Variants in SYNE1 observed in about 807,000 individuals in gnomAD.
SYNE1 encodes the protein nesprin-1.
SYNE1 carries 616 observed loss-of-function variants against 1,111.0 expected under a neutral mutation model. The observed-to-expected ratio is 0.55, with a 90% CI of 0.52 to 0.59. The LOEUF (loss-of-function observed/expected upper bound fraction) is 0.59. Among genes scored for constraint, SYNE1 ranks in the 20% least tolerant of loss-of-function variants. The probability of loss-of-function intolerance (pLI) is 0.00; values close to 1 mark genes in which losing one functional copy is unlikely to be tolerated. For missense variants in SYNE1, 10,006 were observed against 10,417.0 expected (o/e 0.96, Z 1.72); for synonymous variants, 3,855 against 3,825.8 (o/e 1.01, Z -0.28).
At chr6:152,446,493 C>T (rs2098593720) in intron 29 of SYNE1, among the ~76,000 whole-genome samples, 1 of 152,076 alleles carries the variant, frequency 6.6e-6, no homozygotes, top group Non-Finnish European at 1.5e-5. Context: ...ACTAGAGTCT[C>T]AAGCAGATTT....
intron 29 of SYNE1, among the ~76,000 whole-genome samples, chr6:152,445,850 A>G (rs922933972): frequency 2.0e-5 from 3 of 152,148 alleles, no homozygotes; most frequent in African/African-American, 7.2e-5. Flanking sequence ...ATCTGTAAAC[A>G]AAATGTGTTT....
Position 152,399,612 on chromosome 6 carries a change from T to G in SYNE1, c.7237+4A>C. The G allele has an allele frequency of 6.2e-6, 10 of 1,614,068 alleles. No homozygotes were observed. The highest frequency in any genetic ancestry group is 8.5e-6 in the Non-Finnish European group (10 of 1,179,968). ...TACTCATGCTAAGGCCCCTCAGAAC[T>G]CACCACTGAAGTGTTTTTCCAGAGA... is the stretch of plus-strand genomic sequence containing the variant. On this transcript the variant is annotated splice_donor_region_variant and intron_variant, in intron 48 of 145. Coordinates refer to ENST00000367255, the MANE Select transcript of SYNE1 (RefSeq NM_182961.4).
chr6:152,221,399 A>C (rs376494227), intron 118 of SYNE1, 27 bp downstream of exon 118: 18 of 1,611,974 alleles, frequency 1.1e-5, no homozygotes, highest in African/African-American at 2.7e-5. Flanking sequence ...TGATATAAAT[A>C]GTGTGTAAAG....
At chr6:152,367,501 G>A (rs548471470) in intron 61 of SYNE1, 119 bp from the exon 62 acceptor site, 14 of 1,123,856 alleles carry the variant, frequency 1.2e-5, no homozygotes, top group Non-Finnish European at 1.9e-5. Flanking sequence ...CAGATACGAG[G>A]CAAGTCTGGC....
intron 128 of SYNE1, among the ~76,000 whole-genome samples, chr6:152,184,868 C>A (rs746963625): frequency 1.3e-5 from 2 of 152,032 alleles, no homozygotes; most frequent in Non-Finnish European, 2.9e-5. Flanking sequence ...AGTATTTAGT[C>A]TATATACTAA....
intron 3 of SYNE1, among the ~76,000 whole-genome samples, chr6:152,598,914 TTGTC>T (rs1398266037): frequency 7.9e-5 from 12 of 152,216 alleles, no homozygotes; most frequent in Non-Finnish European, 7.3e-5. Flanking sequence ...CTGTTCATCT[TTGTC>T]ACAGAGAGAA....
Position 152,344,144 on chromosome 6 carries a change from T to A in SYNE1, c.12162A>T (p.Ala4054=), listed in dbSNP as rs1206765381. The change falls in exon 74 of 146, where the codon GCA becomes GCT. Residue 4054 remains alanine (A), a synonymous_variant. Coordinates refer to ENST00000367255, the MANE Select transcript of SYNE1 (RefSeq NM_182961.4). The part of the protein sequence containing the change: ...TLQQCQAWLS[A]VQPDLEPSPQ... ...GACTTGGCTCTAAATCCGGCTGGAC[T>A]GCAGAAAGCCAGGCCTGGCACTGCT... The A allele has an allele frequency of 6.2e-7, 1 of 1,614,238 alleles. No homozygotes were observed. The highest frequency in any genetic ancestry group is 8.5e-7 in the Non-Finnish European group (1 of 1,180,042).
At chr6:152,253,773 A>T (rs2089972814) in intron 104 of SYNE1, among the ~76,000 whole-genome samples, 2 of 132,938 alleles carry the variant, frequency 1.5e-5, no homozygotes, top group African/African-American at 2.7e-5. Flanking sequence ...CCTCGTGAAA[A>T]TTCCATGTTT....
chr6:152,621,475 T>A (rs1727047), intron 3 of SYNE1, among the ~76,000 whole-genome samples: 108,494 of 152,044 alleles, frequency 0.71, 38,777 homozygotes, highest in East Asian at 0.82. Flanking sequence ...TGCAATAAAG[T>A]GAATTTACAT....
intron 3 of SYNE1, among the ~76,000 whole-genome samples, chr6:152,549,454 C>T (rs535594387): frequency 1.1e-4 from 16 of 152,114 alleles, no homozygotes; most frequent in South Asian, 6.2e-4. Context: ...TGTGGGGGGG[C>T]GGTGGGAGTG....
chr6:152,154,821 T>C, intron 133 of SYNE1, 71 bp downstream of exon 133: 4 of 1,569,916 alleles, frequency 2.5e-6, no homozygotes, highest in Non-Finnish European at 3.5e-6. Flanking sequence ...AGTTTAGGTC[T>C]TGGAACTCCA....
chr6:152,391,740 T>C (rs2097644215), intron 51 of SYNE1, among the ~76,000 whole-genome samples, 172 bp from the exon 52 acceptor site: 1 of 152,188 alleles, frequency 6.6e-6, no homozygotes. Context: ...CATTCTCTTA[T>C]GATCTCTCCT....
intron 101 of SYNE1, among the ~76,000 whole-genome samples, chr6:152,257,049 C>T (rs530657946): frequency 6.6e-6 from 1 of 151,968 alleles, no homozygotes; most frequent in Non-Finnish European, 1.5e-5. Context: ...AGGTCAAACA[C>T]AGTTAACTAT....
At chr6:152,605,025 AGAGAGAGAGAGGGAGG>A (rs1449777410) in intron 3 of SYNE1, among the ~76,000 whole-genome samples, 109 of 67,428 alleles carry the variant, frequency 1.6e-3, no homozygotes, top group Non-Finnish European at 2.4e-3. Flanking sequence ...AGAGAGAGAG[AGAGAGAGAGAGGGAGG>A]GAGGGAGGGA....
At chr6:152,175,521 C>T (rs1176699864) in intron 130 of SYNE1, among the ~76,000 whole-genome samples, 1 of 152,146 alleles carries the variant, frequency 6.6e-6, no homozygotes, top group Non-Finnish European at 1.5e-5. Context: ...CTCCTAATTG[C>T]CATGAAGAAC....
intron 140 of SYNE1, among the ~76,000 whole-genome samples, chr6:152,137,268 G>A (rs1031169068): frequency 8.5e-5 from 13 of 152,156 alleles, no homozygotes; most frequent in African/African-American, 2.7e-4. Context: ...CAACAATAAC[G>A]CTAGGCAATG....
At chr6:152,232,361 C>T in intron 112 of SYNE1, 96 bp from the exon 113 acceptor site, 1 of 1,349,894 alleles carries the variant, frequency 7.4e-7, no homozygotes. Flanking sequence ...TAAAAATGTA[C>T]CAAGAGAGAT....
chr6:152,277,264 CTTTTTTTTT>C (rs747947368), intron 98 of SYNE1, among the ~76,000 whole-genome samples: 8 of 82,130 alleles, frequency 9.7e-5, no homozygotes, highest in African/African-American at 2.9e-4. Context: ...TTTTCTTTTT[CTTTTTTTTT>C]TTTTTTTTTT....
chr6:152,514,991 G>A (rs1295193737), intron 6 of SYNE1, among the ~76,000 whole-genome samples: 2 of 152,178 alleles, frequency 1.3e-5, no homozygotes, highest in African/African-American at 4.8e-5. Context: ...GGAGGCCAAG[G>A]CGGGCAGATA....
Sources: allele counts gnomAD v4.1 joint callset (sites outside exome capture counted in the v4.1 genomes callset), GRCh38; gene constraint gnomAD v4.1.1; transcripts MANE v1.5; gene names NCBI Gene and HGNC (gene_info 2026-07-23, HGNC 2026-07-21).